ATP2C1: variants seen among roughly 807,000 people sequenced by gnomAD.
ATP2C1 encodes calcium-transporting ATPase type 2C member 1.
Under a neutral mutation model 120.5 loss-of-function variants are expected in ATP2C1, and 31 were observed. The ratio of observed to expected loss-of-function variants is 0.26; its 90% CI spans 0.19 to 0.35. The LOEUF (loss-of-function observed/expected upper bound fraction) is 0.35, where lower values mean the gene tolerates loss of function less well. Among genes scored for constraint, ATP2C1 ranks in the 10% least tolerant of loss-of-function variants. The pLI, the probability that ATP2C1 is intolerant of heterozygous loss-of-function variation, is 1.00. For synonymous variants in ATP2C1, 351 were observed against 358.7 expected, an observed-to-expected ratio of 0.98 and a Z score of 0.24; for missense variants, 731 against 1,107.5, an observed-to-expected ratio of 0.66 and a Z score of 4.83.
At chr3:130,939,046 A>G (rs916171632) in intron 6 of ATP2C1, among the ~76,000 whole-genome samples, 3 of 152,214 alleles carry the variant, frequency 2.0e-5, no homozygotes, top group African/African-American at 7.2e-5. Context: ...AAAACTTTAT[A>G]AAAAGCCTAG....
chr3:130,953,799 G>A, intron 8 of ATP2C1, 22 bp from the exon 9 acceptor site: 7 of 1,613,716 alleles, frequency 4.3e-6, no homozygotes, highest in Non-Finnish European at 5.9e-6. Context: ...ATTTGAATCT[G>A]GGATTCTTTA....
upstream of ATP2C1, among the ~76,000 whole-genome samples, chr3:130,889,356 T>G (rs904467984): frequency 3.9e-5 from 6 of 152,224 alleles, no homozygotes; most frequent in Non-Finnish European, 2.9e-5. Context: ...GAGGACCTAG[T>G]GTACAATGCT....
Position 131,002,719 on chromosome 3 carries a change from C to T in ATP2C1, c.*1369C>T. 1 of 985,384 alleles carries T rather than the reference C, an allele frequency of 1.0e-6. No homozygotes were observed. Among genetic ancestry groups the T allele is most frequent in the Non-Finnish European group, 1.2e-6 (1 of 829,890 alleles). The allele number at this position is 985,384 out of a possible 1,614,324, so 61.0% of individuals were successfully genotyped here. On this transcript the variant is annotated 3_prime_UTR_variant, in exon 28 of 28. Coordinates refer to ENST00000510168, the MANE Select transcript of ATP2C1 (RefSeq NM_001378687.1). ...GCCAATAAGTTTTATCTTTTATAATCTGTCAGGATGAACCACTCCTTAGCT... is the reference window on the plus strand; with the variant it reads ...GCCAATAAGTTTTATCTTTTATAATTTGTCAGGATGAACCACTCCTTAGCT...
intron 1 of ATP2C1, among the ~76,000 whole-genome samples, chr3:130,866,417 C>T (rs564091664): frequency 1.2e-4 from 19 of 152,260 alleles, no homozygotes; most frequent in South Asian, 6.2e-4. Flanking sequence ...AAGAAAATGG[C>T]ATTTTATCCT....
upstream of ATP2C1, among the ~76,000 whole-genome samples, chr3:130,891,376 A>G (rs1483437666): frequency 6.6e-6 from 1 of 152,244 alleles, no homozygotes. Context: ...AGCACAGTAT[A>G]AAGAAAATTA....
intron 17 of ATP2C1, among the ~76,000 whole-genome samples, chr3:130,974,282 ACAT>A (rs941035045): frequency 1.3e-5 from 2 of 152,224 alleles, no homozygotes; most frequent in African/African-American, 4.8e-5. Flanking sequence ...CATGAAAACA[ACAT>A]CATGCTCTCC....
chr3:130,967,424 G>T lies in ATP2C1; in HGVS notation c.1308+5G>T. The T allele has an allele frequency of 6.2e-7, 1 of 1,611,668 alleles. No individual in the cohort carries two copies. Among genetic ancestry groups the T allele is most frequent in the Non-Finnish European group, 8.5e-7 (1 of 1,178,028 alleles). ...TTAATTGCTCTTGCAATGAAGGTAC[G>T]TACCTAAATTTCTCTTCTTTGACAT... On this transcript the variant is annotated splice_donor_5th_base_variant and intron_variant, in intron 16 of 27. Transcript: ENST00000510168.
rs2061639812 is a variant in ATP2C1 at position 130,978,941 on chromosome 3, G to C, written c.1571-308G>C. Among the ~76,000 whole-genome samples, 3 of 152,194 alleles carry C rather than the reference G, an allele frequency of 2.0e-5. No individual in the cohort carries two copies. In the South Asian group the frequency reaches 6.2e-4, roughly 31 times the overall value. On this transcript the variant is annotated intron_variant, in intron 18 of 27. Transcript: ENST00000510168. The stretch of plus-strand genomic sequence containing the variant: ...TAATTCTATTTTTTAAAGAGGTAGA[G>C]TTCCTGTTGAAAGTAGCTGCATGTG...
intron 1 of ATP2C1, among the ~76,000 whole-genome samples, chr3:130,855,649 C>A (rs1437860650): frequency 6.6e-6 from 1 of 152,032 alleles, no homozygotes; most frequent in African/African-American, 2.4e-5. Flanking sequence ...GTATAGTGAA[C>A]CCCTAAGCAG....
chr3:130,924,794 G>T (rs2059128821), intron 2 of ATP2C1, among the ~76,000 whole-genome samples: 1 of 151,900 alleles, frequency 6.6e-6, no homozygotes, highest in Non-Finnish European at 1.5e-5. Flanking sequence ...TATCTTGGCA[G>T]ATTGGGTTAA....
At chr3:130,980,759 G>C in intron 20 of ATP2C1, 80 bp downstream of exon 20, 1 of 1,070,216 alleles carries the variant, frequency 9.3e-7, no homozygotes, top group East Asian at 2.5e-5. Context: ...TAATGAAACT[G>C]TTTAATTGTG....
At position 131,003,025 on chromosome 3, in the gene ATP2C1, A is replaced by G. The variant is rs1462830205; in HGVS notation, c.*1675A>G. 6.1e-6 allele frequency: 6 copies of G among 985,634 alleles called. No individual in the cohort carries two copies. The highest frequency in any genetic ancestry group is 7.2e-6 in the Non-Finnish European group (6 of 829,834). The allele number at this position is 985,634 out of a possible 1,614,324, so 61.1% of individuals were successfully genotyped here. ...ATTCTCTGTTACAAAGACTTGAAAT[A>G]CGTATTAAATGCACGTTAATGTTTT... On this transcript the variant is annotated 3_prime_UTR_variant, in exon 28 of 28. Transcript: ENST00000510168.
chr3:130,916,475 C>T (rs982864346), intron 2 of ATP2C1, among the ~76,000 whole-genome samples: 13 of 151,866 alleles, frequency 8.6e-5, no homozygotes, highest in Admixed American at 2.6e-4. Flanking sequence ...TCTTGGAGGA[C>T]GGGCCCAAAA....
chr3:130,912,859 C>T (rs946008777), intron 2 of ATP2C1, among the ~76,000 whole-genome samples: 115 of 152,180 alleles, frequency 7.6e-4, no homozygotes, highest in African/African-American at 2.6e-3. Flanking sequence ...AACCCAAATG[C>T]CCAACAATGA....
In ATP2C1 at chr3:130,882,212, CTTTT is replaced by C. The variant is rs201420573; in HGVS notation, c.108+31294_108+31297del. Reference sequence around the variant, plus strand: ...TCTGTCATATACTTTTTTCTTTCTTCTTTTTTTTTTTTTCTCACTCTGTTGCCCA... The same window carrying C: ...TCTGTCATATACTTTTTTCTTTCTTCTTTTTTTTTCTCACTCTGTTGCCCA... On this transcript the variant is annotated intron_variant, in intron 1 of 26. Coordinates refer to the ATP2C1 transcript ENST00000504381. Among the ~76,000 whole-genome samples, 2,751 of 144,972 alleles carry C rather than the reference CTTTT, an allele frequency of 0.019. 150 individuals carry two copies. In the East Asian group the frequency reaches 0.22, roughly 11 times the overall value.
upstream of ATP2C1, chr3:130,893,985 T>C: frequency 1.0e-6 from 1 of 985,546 alleles, no homozygotes; most frequent in East Asian, 1.1e-4. Flanking sequence ...GCGGAAGTAA[T>C]AGTGACAAAG....
At chr3:130,995,067 C>T (rs938590593) in intron 22 of ATP2C1, among the ~76,000 whole-genome samples, 13 of 152,028 alleles carry the variant, frequency 8.6e-5, no homozygotes, top group African/African-American at 3.1e-4. Flanking sequence ...TTAGTTTAAA[C>T]CTTTACTCTG....
At chr3:130,974,006 G>C (rs552382254) in intron 17 of ATP2C1, among the ~76,000 whole-genome samples, 1 of 152,308 alleles carries the variant, frequency 6.6e-6, no homozygotes, top group African/African-American at 2.4e-5. Context: ...CAGTGGTACA[G>C]CAGGCCTAGA....
At chr3:131,005,395 G>A (rs1164818574), downstream of ATP2C1, among the ~76,000 whole-genome samples, 1 of 152,198 alleles carries the variant, frequency 6.6e-6, no homozygotes, top group African/African-American at 2.4e-5. Context: ...GGGATTAGGT[G>A]TGAACCACTG....
Sources: gnomAD v4.1 joint callset for allele counts (sites outside exome capture counted in the v4.1 genomes callset) on GRCh38, gnomAD v4.1.1 for gene constraint, MANE v1.5 for transcripts, NCBI Gene and HGNC (gene_info 2026-07-23, HGNC 2026-07-21) for gene names.